Variants in MAML2 observed in about 807,000 individuals in gnomAD.
The protein encoded by MAML2 is mastermind-like protein 2.
Under a neutral mutation model 96.1 loss-of-function variants are expected in MAML2, and 22 were observed. That is an observed-to-expected ratio of 0.23 (90% CI 0.16 to 0.33). The LOEUF (loss-of-function observed/expected upper bound fraction) is 0.33, where lower values mean the gene tolerates loss of function less well. MAML2 is among the 10% of genes least tolerant of loss of function. The pLI is 1.00. For missense variants in MAML2, 1,367 were observed against 1,392.4 expected, an observed-to-expected ratio of 0.98 and a Z score of 0.29; for synonymous variants, 561 against 521.3, an observed-to-expected ratio of 1.08 and a Z score of -1.04.
intron 2 of MAML2, among the ~76,000 whole-genome samples, chr11:96,013,349 T>C: frequency 6.6e-6 from 1 of 152,208 alleles, no homozygotes; most frequent in East Asian, 1.9e-4. Context: ...TAGTAGATTA[T>C]AACTAGTCCA....
At chr11:96,335,681 A>T (rs1436796423) in intron 1 of MAML2, among the ~76,000 whole-genome samples, 1 of 152,138 alleles carries the variant, frequency 6.6e-6, no homozygotes, top group Non-Finnish European at 1.5e-5. Context: ...TATATGAAGG[A>T]TTATTATTGC....
At chr11:96,101,525 G>A (rs12799722) in intron 1 of MAML2, among the ~76,000 whole-genome samples, 45,382 of 152,080 alleles carry the variant, frequency 0.3, 7,476 homozygotes, top group Middle Eastern at 0.43. Context: ...ATAAACCTGG[G>A]TTCCAAATGC....
chr11:96,301,841 C>G (rs1863391055), intron 1 of MAML2, among the ~76,000 whole-genome samples: 1 of 152,118 alleles, frequency 6.6e-6, no homozygotes, highest in Non-Finnish European at 1.5e-5. Context: ...GCAAAGAAAG[C>G]CTAAATTGAA....
chr11:96,052,002 T>C (rs1858997545), intron 2 of MAML2, among the ~76,000 whole-genome samples: 1 of 152,196 alleles, frequency 6.6e-6, no homozygotes, highest in South Asian at 2.1e-4. Context: ...AAACAATGCA[T>C]GTAAAGTGAC....
At chr11:96,270,457 G>A (rs1221815005) in intron 1 of MAML2, among the ~76,000 whole-genome samples, 2 of 152,076 alleles carry the variant, frequency 1.3e-5, no homozygotes, top group Admixed American at 6.6e-5. Flanking sequence ...TTACAGACGG[G>A]TGCCACCACA....
chr11:96,158,693 AG>A (rs1420337345), intron 1 of MAML2, among the ~76,000 whole-genome samples: 3 of 152,254 alleles, frequency 2.0e-5, no homozygotes, highest in African/African-American at 7.2e-5. Flanking sequence ...GAGAACTACT[AG>A]TCTGGGCATT....
chr11:96,308,644 C>T (rs1050251108), intron 1 of MAML2, among the ~76,000 whole-genome samples: 7 of 152,186 alleles, frequency 4.6e-5, no homozygotes, highest in African/African-American at 1.4e-4. Context: ...TCTCAGAATA[C>T]ACTTCCCAAA....
intron 1 of MAML2, among the ~76,000 whole-genome samples, chr11:96,232,178 C>G (rs188826650): frequency 1.3e-5 from 2 of 152,284 alleles, no homozygotes; most frequent in East Asian, 3.9e-4. Context: ...TACTTGTGGT[C>G]TTCCCTAAGC....
chr11:96,018,359 C>T (rs1858386872), intron 2 of MAML2, among the ~76,000 whole-genome samples: 1 of 152,000 alleles, frequency 6.6e-6, no homozygotes, highest in Non-Finnish European at 1.5e-5. Context: ...GAAATATAGA[C>T]TAGAAATAGA....
chr11:95,994,013 G>A (rs139500268), intron 2 of MAML2, among the ~76,000 whole-genome samples: 1 of 152,320 alleles, frequency 6.6e-6, no homozygotes, highest in East Asian at 1.9e-4. Flanking sequence ...TTTGAAGCCA[G>A]GTCTGTCTGA....
At chr11:96,069,934 G>T (rs1229860218) in intron 2 of MAML2, among the ~76,000 whole-genome samples, 1 of 150,894 alleles carries the variant, frequency 6.6e-6, no homozygotes, top group East Asian at 2.0e-4. Context: ...GAGGCAGGAG[G>T]AATCACTTGA....
chr11:96,032,053 G>A (rs1282468863), intron 2 of MAML2, among the ~76,000 whole-genome samples: 2 of 151,962 alleles, frequency 1.3e-5, no homozygotes, highest in African/African-American at 2.4e-5. Context: ...GCCAAGATGG[G>A]GAGATGCTAT....
At chr11:96,067,829 T>A (rs1859269032) in intron 2 of MAML2, among the ~76,000 whole-genome samples, 1 of 152,214 alleles carries the variant, frequency 6.6e-6, no homozygotes, top group Non-Finnish European at 1.5e-5. Context: ...AAGAACAACT[T>A]CAAATATTAT....
At chr11:96,299,822 G>C (rs1367680596) in intron 1 of MAML2, among the ~76,000 whole-genome samples, 1 of 152,128 alleles carries the variant, frequency 6.6e-6, no homozygotes, top group Non-Finnish European at 1.5e-5. Flanking sequence ...GTACTTCCCA[G>C]AATCGCCTCC....
chr11:96,288,295 T>C (rs1211185033), intron 1 of MAML2, among the ~76,000 whole-genome samples: 7 of 151,994 alleles, frequency 4.6e-5, no homozygotes, highest in Non-Finnish European at 1.0e-4. Context: ...ATAAAACAGA[T>C]AAATGGGAGG....
intron 1 of MAML2, among the ~76,000 whole-genome samples, chr11:96,286,713 T>A (rs771786698): frequency 2.3e-4 from 35 of 151,872 alleles, no homozygotes; most frequent in Non-Finnish European, 4.1e-4. Context: ...TTCCCCAATG[T>A]GTACAAAATG....
At chr11:96,035,454 G>T (rs1858696370) in intron 2 of MAML2, among the ~76,000 whole-genome samples, 1 of 152,228 alleles carries the variant, frequency 6.6e-6, no homozygotes, top group African/African-American at 2.4e-5. Flanking sequence ...TTCTACGGAA[G>T]ATAGGAGACT....
At chr11:95,984,951 A>T (rs1401510734) in intron 4 of MAML2, among the ~76,000 whole-genome samples, 1 of 152,144 alleles carries the variant, frequency 6.6e-6, no homozygotes, top group Non-Finnish European at 1.5e-5. Flanking sequence ...GGGAGGAGAG[A>T]GAATTTGGGG....
intron 1 of MAML2, among the ~76,000 whole-genome samples, chr11:96,340,565 A>C (rs566002514): frequency 2.6e-5 from 4 of 152,348 alleles, no homozygotes; most frequent in Admixed American, 6.5e-5. Context: ...CCAGAAACTT[A>C]ATCAGAACTT....
Sources: gnomAD v4.1 joint callset for allele counts (sites outside exome capture counted in the v4.1 genomes callset) on GRCh38, gnomAD v4.1.1 for gene constraint, MANE v1.5 for transcripts, NCBI Gene and HGNC (gene_info 2026-07-23, HGNC 2026-07-21) for gene names.